Variants in DNAJC6 observed in about 807,000 individuals in gnomAD.
DNAJC6 encodes DnaJ heat shock protein family (Hsp40) member C6, also known as auxilin.
Under a neutral mutation model 110.0 loss-of-function variants are expected in DNAJC6, and 34 were observed. The observed-to-expected ratio is 0.31, with a 90% CI of 0.24 to 0.41. DNAJC6 has a LOEUF of 0.41. Among genes scored for constraint, DNAJC6 ranks in the 10% least tolerant of loss-of-function variants. The probability of loss-of-function intolerance (pLI) is 1.00; values close to 1 mark genes in which losing one functional copy is unlikely to be tolerated. For synonymous variants in DNAJC6, 406 were observed against 437.2 expected (o/e 0.93, Z 0.89); for missense variants, 1,031 against 1,207.8 (o/e 0.85, Z 2.17).
chr1:65,334,103 A>G (rs1645312949), intron 1 of DNAJC6, among the ~76,000 whole-genome samples: 1 of 152,230 alleles, frequency 6.6e-6, no homozygotes, highest in Non-Finnish European at 1.5e-5. Flanking sequence ...GGATGATAAC[A>G]AAACTGTCAA....
rs939746591 is a variant in DNAJC6 at position 65,413,086 on chromosome 1, C to G, written c.*61C>G. ...CTAATGCTTAGTGTGTGTCACAATT[C>G]TGAGGTTTTCGCAGATGAACCAAAA... On this transcript the variant is annotated 3_prime_UTR_variant, in exon 19 of 19. Transcript: ENST00000371069. The G allele has an allele frequency of 9.3e-6, 14 of 1,498,006 alleles. No homozygotes were observed. The highest frequency in any genetic ancestry group is 1.4e-5 in the African/African-American group (1 of 71,306). 92.8% of individuals were successfully genotyped at this position (1,498,006 alleles called of 1,614,324 possible).
chr1:65,332,533 T>TG (rs1484049785), intron 1 of DNAJC6, among the ~76,000 whole-genome samples: 2 of 152,212 alleles, frequency 1.3e-5, no homozygotes, highest in African/African-American at 4.8e-5. Context: ...TTATCAGCAA[T>TG]GACTCCCCTC....
chr1:65,409,795 T>G (rs1415610467), intron 17 of DNAJC6, among the ~76,000 whole-genome samples: 1 of 152,132 alleles, frequency 6.6e-6, no homozygotes, highest in Non-Finnish European at 1.5e-5. Context: ...ATTCTGGAGG[T>G]TTAGGTAAAA....
intron 1 of DNAJC6, among the ~76,000 whole-genome samples, chr1:65,339,293 G>A (rs1570297976): frequency 6.6e-6 from 1 of 152,164 alleles, no homozygotes; most frequent in Non-Finnish European, 1.5e-5. Context: ...AATTGCTGGA[G>A]TACGAACCCG....
At chr1:65,269,593 T>TCAAA (rs1653440873) in intron 1 of DNAJC6, among the ~76,000 whole-genome samples, 1 of 152,226 alleles carries the variant, frequency 6.6e-6, no homozygotes, top group South Asian at 2.1e-4. Flanking sequence ...ACTTTGATAC[T>TCAAA]TTTAGAGAAA....
chr1:65,412,340 C>T (rs1646136567), intron 18 of DNAJC6, among the ~76,000 whole-genome samples: 1 of 152,180 alleles, frequency 6.6e-6, no homozygotes, highest in Admixed American at 6.5e-5. Flanking sequence ...GTCACATAGA[C>T]TATACCAGTC....
chr1:65,395,762 G>A (rs1415158943), intron 13 of DNAJC6, among the ~76,000 whole-genome samples: 1 of 152,138 alleles, frequency 6.6e-6, no homozygotes, highest in Non-Finnish European at 1.5e-5. Context: ...AATTACATAT[G>A]TGGCCCAAAT....
intron 1 of DNAJC6, among the ~76,000 whole-genome samples, chr1:65,346,317 G>T (rs1645436271): frequency 6.6e-6 from 1 of 152,010 alleles, no homozygotes; most frequent in African/African-American, 2.4e-5. Flanking sequence ...CTATCCCTGG[G>T]GAAATCCACT....
At chr1:65,334,803 C>A (rs989764528) in intron 1 of DNAJC6, among the ~76,000 whole-genome samples, 11 of 152,028 alleles carry the variant, frequency 7.2e-5, no homozygotes, top group Admixed American at 3.3e-4. Flanking sequence ...TTGTATCTAC[C>A]CATTCTTACT....
intron 14 of DNAJC6, 81 bp from the exon 15 acceptor site, chr1:65,401,680 A>T: frequency 6.4e-7 from 1 of 1,551,698 alleles, no homozygotes. Context: ...GAGACAAATA[A>T]ACAGTAACTC....
At chr1:65,328,427 G>T (rs1276986884) in intron 1 of DNAJC6, among the ~76,000 whole-genome samples, 1 of 152,122 alleles carries the variant, frequency 6.6e-6, no homozygotes, top group Non-Finnish European at 1.5e-5. Flanking sequence ...TCTCCCAGTG[G>T]TATATTTTGC....
At chr1:65,403,549 A>C (rs1646048400) in intron 15 of DNAJC6, among the ~76,000 whole-genome samples, 1 of 152,228 alleles carries the variant, frequency 6.6e-6, no homozygotes, top group Non-Finnish European at 1.5e-5. Flanking sequence ...TGAAACTTGC[A>C]CTACAGTGGG....
At chr1:65,269,887 C>T (rs755642513) in intron 1 of DNAJC6, among the ~76,000 whole-genome samples, 46 of 152,142 alleles carry the variant, frequency 3.0e-4, no homozygotes, top group African/African-American at 1.1e-3. Flanking sequence ...TAGTGCCCTC[C>T]GGTGTTCTGG....
At chr1:65,412,111 G>A (rs1361280264) in intron 18 of DNAJC6, among the ~76,000 whole-genome samples, 3 of 152,230 alleles carry the variant, frequency 2.0e-5, no homozygotes, top group Non-Finnish European at 4.4e-5. Context: ...GCTTCAGAAT[G>A]TAGTTGGTAA....
intron 1 of DNAJC6, among the ~76,000 whole-genome samples, chr1:65,287,159 A>G (rs1359918940): frequency 6.6e-6 from 1 of 152,258 alleles, no homozygotes; most frequent in Non-Finnish European, 1.5e-5. Context: ...TGGAAGTACC[A>G]TATGTACTAG....
intron 1 of DNAJC6, among the ~76,000 whole-genome samples, chr1:65,274,044 C>T (rs1335484491): frequency 5.9e-5 from 9 of 152,168 alleles, no homozygotes; most frequent in African/African-American, 2.2e-4. Context: ...TGTTGGTTCC[C>T]AAGAGAGGGC....
chr1:65,285,320 G>A (rs1653981383), intron 1 of DNAJC6, among the ~76,000 whole-genome samples: 1 of 152,102 alleles, frequency 6.6e-6, no homozygotes, highest in African/African-American at 2.4e-5. Context: ...CTCAGACCAT[G>A]TTCTTTTTGG....
chr1:65,324,286 C>T (rs1440747566), intron 1 of DNAJC6, among the ~76,000 whole-genome samples: 1 of 152,138 alleles, frequency 6.6e-6, no homozygotes, highest in Admixed American at 6.5e-5. Flanking sequence ...AAGCGATCCT[C>T]CTGCCTTACC....
chr1:65,301,532 C>G (rs1644978641), intron 1 of DNAJC6, among the ~76,000 whole-genome samples: 2 of 152,202 alleles, frequency 1.3e-5, no homozygotes, highest in Admixed American at 1.3e-4. Flanking sequence ...TTTGGGTTCC[C>G]ATGATCCCCT....
Sources: allele counts gnomAD v4.1 joint callset (sites outside exome capture counted in the v4.1 genomes callset), GRCh38; gene constraint gnomAD v4.1.1; transcripts MANE v1.5; gene names NCBI Gene and HGNC (gene_info 2026-07-23, HGNC 2026-07-21).